PCCA: variants seen among roughly 807,000 people sequenced by gnomAD.
The protein encoded by PCCA is propionyl-CoA carboxylase subunit alpha.
In PCCA, 74 loss-of-function variants were observed where a neutral mutation model predicts 101.3. The observed-to-expected ratio is 0.73, with a 90% CI of 0.61 to 0.89. PCCA has a LOEUF of 0.89. Ranked by LOEUF, PCCA falls within the 40% of genes least tolerant of loss-of-function variation. PCCA has a pLI of 0.00. For missense variants in PCCA, 891 were observed against 907.0 expected (o/e 0.98, Z 0.23); for synonymous variants, 294 against 313.6 (o/e 0.94, Z 0.66).
At chr13:100,295,207 T>C (rs1215730672) in intron 12 of PCCA, among the ~76,000 whole-genome samples, 1 of 152,184 alleles carries the variant, frequency 6.6e-6, no homozygotes, top group Non-Finnish European at 1.5e-5. Context: ...AGCAGAATCT[T>C]TCTGAACAGA....
chr13:100,140,382 A>C (rs2051723734), intron 4 of PCCA, among the ~76,000 whole-genome samples: 1 of 152,116 alleles, frequency 6.6e-6, no homozygotes, highest in African/African-American at 2.4e-5. Context: ...ACAGCCACAA[A>C]ATTACTTGGG....
intron 20 of PCCA, among the ~76,000 whole-genome samples, chr13:100,432,276 T>C (rs971187819): frequency 2.0e-5 from 3 of 152,230 alleles, no homozygotes; most frequent in African/African-American, 7.2e-5. Context: ...CCCGAAATTC[T>C]TTAAAAGCGG....
chr13:100,103,009 T>C, intron 2 of PCCA, 49 bp downstream of exon 2: 1 of 1,249,396 alleles, frequency 8.0e-7, no homozygotes, highest in Non-Finnish European at 1.2e-6. Context: ...CTTATCATGG[T>C]TTTACTTTCT....
intron 5 of PCCA, among the ~76,000 whole-genome samples, chr13:100,156,722 G>A (rs1214812118): frequency 2.0e-5 from 3 of 152,178 alleles, no homozygotes; most frequent in Non-Finnish European, 4.4e-5. Flanking sequence ...CAGTTTGATA[G>A]AAACGGCTTG....
intron 6 of PCCA, among the ~76,000 whole-genome samples, chr13:100,190,745 T>G (rs1298343505): frequency 6.6e-6 from 1 of 151,882 alleles, no homozygotes; most frequent in Non-Finnish European, 1.5e-5. Context: ...GAGGATTGCT[T>G]GAGCCTAGGA....
At position 100,423,527 on chromosome 13, in the gene PCCA, T is replaced by G. The variant is rs1284752688; in HGVS notation, c.1747-2106T>G. On this transcript the variant is annotated intron_variant, in intron 19 of 23. Transcript: ENST00000376285. ...GCCCCGCTTATACTGGCAGATAGGTTTCAGTTTATGATTTGGAGTCATGAT... is the reference window on the plus strand; with the variant it reads ...GCCCCGCTTATACTGGCAGATAGGTGTCAGTTTATGATTTGGAGTCATGAT... Among the ~76,000 whole-genome samples, 5 of 152,332 alleles carry G rather than the reference T, an allele frequency of 3.3e-5. No homozygotes were observed. The East Asian group carries it at 9.6e-4, about 29-fold the overall frequency.
intron 19 of PCCA, among the ~76,000 whole-genome samples, chr13:100,397,477 T>C (rs2077104684): frequency 6.6e-6 from 1 of 151,722 alleles, no homozygotes. Context: ...AGTAATACGA[T>C]GTTTATAGTT....
intron 6 of PCCA, among the ~76,000 whole-genome samples, chr13:100,187,244 A>G (rs898323209): frequency 1.3e-5 from 2 of 152,194 alleles, no homozygotes; most frequent in African/African-American, 4.8e-5. Context: ...TGGATTAGGT[A>G]TTATCCTCCA....
intron 18 of PCCA, among the ~76,000 whole-genome samples, chr13:100,348,775 TCTTTCTTTCTTTCTTCCTTC>T (rs1204889074): frequency 0.011 from 1,012 of 89,826 alleles, 18 homozygotes; most frequent in African/African-American, 0.031. Flanking sequence ...TTTCTTTCTT[TCTTTCTTTCTTTCTTCCTTC>T]CTTCCTTCCT....
chr13:100,144,701 A>G (rs1392327154), intron 4 of PCCA, among the ~76,000 whole-genome samples: 1 of 152,242 alleles, frequency 6.6e-6, no homozygotes, highest in Non-Finnish European at 1.5e-5. Context: ...GGGATGAGCC[A>G]GACTTCATCT....
chr13:100,175,963 T>C (rs905523736), intron 6 of PCCA, among the ~76,000 whole-genome samples: 8 of 152,262 alleles, frequency 5.3e-5, no homozygotes, highest in African/African-American at 1.9e-4. Context: ...CTACAGGATC[T>C]ACCTGGTTCC....
chr13:100,397,145 C>G (rs2077086512), intron 19 of PCCA, among the ~76,000 whole-genome samples: 1 of 152,080 alleles, frequency 6.6e-6, no homozygotes, highest in East Asian at 1.9e-4. Context: ...ATTAGAGTGG[C>G]CATTATTTGC....
intron 19 of PCCA, among the ~76,000 whole-genome samples, chr13:100,387,653 A>C (rs1038123297): frequency 1.3e-5 from 2 of 152,344 alleles, no homozygotes; most frequent in Admixed American, 6.5e-5. Flanking sequence ...AGAGAAATCA[A>C]GTCTGAAGAG....
At chr13:100,387,249 A>C (rs2076561765) in intron 19 of PCCA, among the ~76,000 whole-genome samples, 1 of 152,252 alleles carries the variant, frequency 6.6e-6, no homozygotes, top group Non-Finnish European at 1.5e-5. Context: ...GCAGTAACAT[A>C]GGTCAGAGTA....
intron 17 of PCCA, among the ~76,000 whole-genome samples, chr13:100,338,006 TAC>T (rs2070756284): frequency 6.6e-6 from 1 of 152,238 alleles, no homozygotes; most frequent in Admixed American, 6.5e-5. Flanking sequence ...ACAGTTTCTT[TAC>T]ACAGTTTGAT....
intron 16 of PCCA, among the ~76,000 whole-genome samples, chr13:100,313,990 G>T (rs935503717): frequency 1.3e-5 from 2 of 151,860 alleles, no homozygotes; most frequent in African/African-American, 4.8e-5. Flanking sequence ...CAGTGTCTTT[G>T]ATTATGTCTC....
At chr13:100,337,653 A>G (rs11838790) in intron 17 of PCCA, among the ~76,000 whole-genome samples, 29 of 152,322 alleles carry the variant, frequency 1.9e-4, no homozygotes, top group African/African-American at 6.7e-4. Flanking sequence ...GTGATGAATG[A>G]TGGTCCATTT....
intron 21 of PCCA, among the ~76,000 whole-genome samples, chr13:100,479,928 G>T (rs554603314): frequency 6.6e-6 from 1 of 152,214 alleles, no homozygotes; most frequent in African/African-American, 2.4e-5. Flanking sequence ...AGAGGAGAAG[G>T]TACCCCCTTG....
chr13:100,272,429 G>A (rs181622351), intron 11 of PCCA, among the ~76,000 whole-genome samples: 103 of 152,202 alleles, frequency 6.8e-4, no homozygotes, highest in African/African-American at 2.4e-3. Context: ...TGGCCAACAA[G>A]ACTATAACAC....
Sources: allele counts gnomAD v4.1 joint callset (sites outside exome capture counted in the v4.1 genomes callset), GRCh38; gene constraint gnomAD v4.1.1; transcripts MANE v1.5; gene names NCBI Gene and HGNC (gene_info 2026-07-23, HGNC 2026-07-21).